The following TET3 variants were observed in gnomAD, a reference collection of about 807,000 sequenced individuals.
The protein encoded by TET3 is methylcytosine dioxygenase TET3.
In TET3, 19 loss-of-function variants were observed where a neutral mutation model predicts 141.4. The observed-to-expected ratio is 0.13, with a 90% CI of 0.09 to 0.20. TET3 has a LOEUF of 0.20. Among genes scored for constraint, TET3 ranks in the 10% least tolerant of loss-of-function variants. TET3 has a pLI of 1.00. For synonymous variants in TET3, 1,043 were observed against 980.9 expected (o/e 1.06, Z -1.18); for missense variants, 1,874 against 2,356.9 (o/e 0.80, Z 4.24).
At chr2:74,004,843 G>A (rs1266767974) in intron 3 of TET3, among the ~76,000 whole-genome samples, 2 of 152,332 alleles carry the variant, frequency 1.3e-5, no homozygotes, top group African/African-American at 4.8e-5. Flanking sequence ...GCTGGCTGGA[G>A]GAGTTGTAAT....
At chr2:74,071,432 G>T (rs1015562703) in intron 4 of TET3, among the ~76,000 whole-genome samples, 1 of 152,118 alleles carries the variant, frequency 6.6e-6, no homozygotes, top group African/African-American at 2.4e-5. Flanking sequence ...AGCAAATTGT[G>T]GCTCACTGTT....
In TET3 at chr2:74,100,793, T is replaced by C. The variant is rs763826240; in HGVS notation, c.4005T>C (p.Ala1335=). ...HNSLSPAYGG[A]EFAELPSQAV... ...GCCTGAGCCCGGCCTACGGTGGTGCTGAGTTTGCCGAGCTGCCCAGCCAGG... is the reference window on the plus strand; with the variant it reads ...GCCTGAGCCCGGCCTACGGTGGTGCCGAGTTTGCCGAGCTGCCCAGCCAGG... Residue 1335 remains alanine (A), a synonymous_variant, in exon 12 of 12, where the codon GCT becomes GCC. Transcript: ENST00000409262. 2 of 1,612,908 alleles carry C rather than the reference T, an allele frequency of 1.2e-6. No homozygotes were observed. The highest frequency in any genetic ancestry group is 1.1e-5 in the South Asian group (1 of 90,844).
intron 4 of TET3, among the ~76,000 whole-genome samples, chr2:74,067,270 A>G (rs1275917279): frequency 6.6e-6 from 1 of 152,242 alleles, no homozygotes; most frequent in Non-Finnish European, 1.5e-5. Context: ...GGTACCTTGC[A>G]TCTCACCTGA....
At chr2:74,077,735 G>A (rs1457577155) in intron 5 of TET3, among the ~76,000 whole-genome samples, 2 of 152,176 alleles carry the variant, frequency 1.3e-5, no homozygotes, top group Admixed American at 6.5e-5. Context: ...GGGATGGTGG[G>A]GAAGGTCCTG....
intron 10 of TET3, among the ~76,000 whole-genome samples, chr2:74,095,178 C>G (rs1350281715): frequency 6.6e-6 from 1 of 152,158 alleles, no homozygotes; most frequent in African/African-American, 2.4e-5. Flanking sequence ...TAGCTTATGC[C>G]CCCTGGGGAT....
At chr2:73,998,280 A>G (rs1684692637) in intron 2 of TET3, 1 of 152,214 alleles carries the variant, frequency 6.6e-6, no homozygotes, top group Non-Finnish European at 1.5e-5. Context: ...TTGATGGTTC[A>G]AGGCTGTTGA....
chr2:74,051,171 G>A (rs1266100994), intron 4 of TET3, among the ~76,000 whole-genome samples: 1 of 152,196 alleles, frequency 6.6e-6, no homozygotes, highest in African/African-American at 2.4e-5. Context: ...TGTTGCAAGG[G>A]TGACCTGAAA....
At chr2:74,128,760 G>A in the TET3 span, among the ~76,000 whole-genome samples, 3 of 151,160 alleles carry the variant, frequency 2.0e-5, no homozygotes, top group South Asian at 6.3e-4. Flanking sequence ...AAGGCAGGAA[G>A]ATCACTTGAG....
At chr2:74,110,655 T>C (rs1691680929), downstream of TET3, among the ~76,000 whole-genome samples, 1 of 152,180 alleles carries the variant, frequency 6.6e-6, no homozygotes, top group Non-Finnish European at 1.5e-5. Context: ...TCCAGAGGTC[T>C]TAGCAGAGGC....
chr2:74,118,581 G>A, the TET3 span, among the ~76,000 whole-genome samples: 951 of 152,226 alleles, frequency 6.2e-3, 6 homozygotes, highest in Non-Finnish European at 0.01. Context: ...TAGCCTATTA[G>A]TAAAGTTTTT....
chr2:74,077,916 T>C (rs1689603129), intron 5 of TET3, among the ~76,000 whole-genome samples: 2 of 152,196 alleles, frequency 1.3e-5, no homozygotes, highest in African/African-American at 4.8e-5. Flanking sequence ...GATAAATGCT[T>C]GTTGAAATGA....
At position 74,105,520 on chromosome 2, in the gene TET3, T is replaced by C; in HGVS notation, c.*3344T>C. On this transcript the variant is annotated 3_prime_UTR_variant, in exon 12 of 12. Coordinates refer to ENST00000409262, the MANE Select transcript of TET3 (RefSeq NM_001287491.2). ...GTCTTTCGGTTTTTGGTTTTGGGTCTGGCTTTTAGCAGGGCCAATGTTTCC... is the reference window on the plus strand; with the variant it reads ...GTCTTTCGGTTTTTGGTTTTGGGTCCGGCTTTTAGCAGGGCCAATGTTTCC... 2.5e-6 allele frequency: 1 copy of C among 398,324 alleles called. No homozygotes were observed. The highest frequency in any genetic ancestry group is 4.4e-6 in the Non-Finnish European group (1 of 225,870). The allele number at this position is 398,324 out of a possible 1,614,324, so 24.7% of individuals were successfully genotyped here. A position where few individuals can be genotyped will look rare whatever the true frequency, so the allele number is the denominator to read the frequency against.
At chr2:74,120,202 TC>T in the TET3 span, among the ~76,000 whole-genome samples, 2 of 152,202 alleles carry the variant, frequency 1.3e-5, no homozygotes, top group African/African-American at 2.4e-5. Context: ...GGCGCCCGGC[TC>T]CCGGCTCCCC....
At chr2:74,025,547 C>T (rs894767203) in intron 3 of TET3, among the ~76,000 whole-genome samples, 2 of 152,046 alleles carry the variant, frequency 1.3e-5, no homozygotes, top group Non-Finnish European at 2.9e-5. Flanking sequence ...GGATTACAGG[C>T]GTGAGCCACC....
chr2:74,010,376 C>T (rs1425802965), intron 3 of TET3, among the ~76,000 whole-genome samples: 1 of 152,178 alleles, frequency 6.6e-6, no homozygotes, highest in East Asian at 1.9e-4. Context: ...GGGTGGGTGC[C>T]AGAGCACTTC....
Position 74,046,247 on chromosome 2 carries a change from T to C in TET3, c.361-31T>C. ...CTTTTCAAATAGTGTGGTTCATTTT[T>C]TTCCTTTTTCCCCCTTCTCTCTCTC... On this transcript the variant is annotated intron_variant, in intron 3 of 11. Coordinates refer to ENST00000409262, the MANE Select transcript of TET3 (RefSeq NM_001287491.2). The surrounding 1 kb of genome is among the most constrained non-coding windows in gnomAD (Gnocchi z 4.3). 4 of 1,465,772 alleles carry C rather than the reference T, an allele frequency of 2.7e-6. No homozygotes were observed. Among genetic ancestry groups the C allele is most frequent in the Non-Finnish European group, 3.6e-6 (4 of 1,110,484 alleles). 90.8% of individuals were successfully genotyped at this position (1,465,772 alleles called of 1,614,324 possible).
intron 4 of TET3, among the ~76,000 whole-genome samples, chr2:74,050,315 G>A (rs2103723289): frequency 6.6e-6 from 1 of 152,300 alleles, no homozygotes; most frequent in African/African-American, 2.4e-5. Flanking sequence ...CAGGGCTGTT[G>A]TGAGGATGAA....
At chr2:73,988,667 T>C (rs911941321) in intron 2 of TET3, among the ~76,000 whole-genome samples, 2 of 152,058 alleles carry the variant, frequency 1.3e-5, no homozygotes, top group African/African-American at 2.4e-5. Context: ...AGCCCCAGGG[T>C]CAGGTAAGGT....
At position 74,105,439 on chromosome 2, in the gene TET3, G is replaced by T. The variant is rs999871380; in HGVS notation, c.*3263G>T. 4 of 398,386 alleles carry T rather than the reference G, an allele frequency of 1.0e-5. No homozygotes were observed. Among genetic ancestry groups the T allele is most frequent in the African/African-American group, 8.2e-5 (4 of 48,634 alleles). The allele number at this position is 398,386 out of a possible 1,614,324, so 24.7% of individuals were successfully genotyped here. ...CACAAAATAACTGGTGCTAGCTCAA[G>T]AAATCATCATCTGACCATCAGAAAT... On this transcript the variant is annotated 3_prime_UTR_variant, in exon 12 of 12. Transcript: ENST00000409262.
Sources: allele counts gnomAD v4.1 joint callset (sites outside exome capture counted in the v4.1 genomes callset), GRCh38; gene constraint gnomAD v4.1.1; non-coding constraint Gnocchi (gnomAD v3.1); transcripts MANE v1.5; gene names NCBI Gene and HGNC (gene_info 2026-07-23, HGNC 2026-07-21).